NRG4: variants seen among roughly 807,000 people sequenced by gnomAD.
NRG4 encodes the protein pro-neuregulin-4, membrane-bound isoform.
Under a neutral mutation model 15.0 loss-of-function variants are expected in NRG4, and 10 were observed. That is an observed-to-expected ratio of 0.67 (90% CI 0.41 to 1.13). NRG4 has a LOEUF of 1.13. Ranked by LOEUF, NRG4 falls within the 50% of genes most tolerant of loss-of-function variation. The pLI is 0.00. For synonymous variants in NRG4, 41 were observed against 50.1 expected, an observed-to-expected ratio of 0.82 and a Z score of 0.77; for missense variants, 139 against 140.2, an observed-to-expected ratio of 0.99 and a Z score of 0.04.
At chr15:75,937,104 G>C (rs1012837948), downstream of NRG4, 2 of 151,676 alleles carry the variant, frequency 1.3e-5, no homozygotes, top group African/African-American at 4.8e-5. Context: ...CTCTATTCAA[G>C]GTCTTGTAAT....
intron 5 of NRG4, among the ~76,000 whole-genome samples, chr15:75,944,977 CT>C (rs949765370): frequency 6.6e-5 from 10 of 150,812 alleles, no homozygotes; most frequent in Non-Finnish European, 1.3e-4. Context: ...ACAAGTATGT[CT>C]TTATAAAGTC....
chr15:76,051,556 A>G (rs2036016699), intron 4 of NRG4, among the ~76,000 whole-genome samples: 1 of 148,722 alleles, frequency 6.7e-6, no homozygotes, highest in South Asian at 2.1e-4. Context: ...CATATAATTG[A>G]ACAATCTTCT....
chr15:76,030,085 C>T (rs968386056), intron 5 of NRG4, among the ~76,000 whole-genome samples: 9 of 151,990 alleles, frequency 5.9e-5, no homozygotes, highest in East Asian at 3.9e-4. Context: ...GGTGAAACCC[C>T]GCTTCTACTA....
At chr15:76,018,465 T>C (rs1285349995) in intron 5 of NRG4, among the ~76,000 whole-genome samples, 2 of 152,352 alleles carry the variant, frequency 1.3e-5, no homozygotes, top group East Asian at 3.9e-4. Flanking sequence ...TTCGTGGATG[T>C]ATCTACCTTT....
chr15:75,993,494 G>A (rs893002233), intron 3 of NRG4, among the ~76,000 whole-genome samples: 1 of 150,816 alleles, frequency 6.6e-6, no homozygotes, highest in Non-Finnish European at 1.5e-5. Context: ...GAGGTCAGGA[G>A]TTCAAGACCA....
intron 3 of NRG4, among the ~76,000 whole-genome samples, chr15:76,004,603 A>G (rs913838420): frequency 2.6e-4 from 40 of 151,770 alleles, no homozygotes; most frequent in Non-Finnish European, 4.4e-4. Context: ...CCGTCTCAAA[A>G]AAAAAAAAAA....
At chr15:75,978,735 A>T (rs549613401) in intron 3 of NRG4, among the ~76,000 whole-genome samples, 1 of 152,158 alleles carries the variant, frequency 6.6e-6, no homozygotes, top group Non-Finnish European at 1.5e-5. Context: ...AGTTGTGTTA[A>T]CTGGGGTGAG....
chr15:75,981,751 G>A (rs1433275689), intron 3 of NRG4, among the ~76,000 whole-genome samples: 3 of 152,042 alleles, frequency 2.0e-5, no homozygotes, highest in African/African-American at 7.2e-5. Flanking sequence ...TTGTTTTTAT[G>A]CAAAATAGAT....
chr15:76,005,681 A>C, intron 3 of NRG4: 1 of 214,806 alleles, frequency 4.7e-6, no homozygotes, highest in South Asian at 5.8e-5. Context: ...CTGTCTCAGA[A>C]AAAAAAAAAA....
In NRG4 at chr15:76,011,227, G is replaced by A; in HGVS notation, c.4C>T (p.Pro2Ser). M[P>S]TDHEEPCGPS... ...TAAATATATAAGAAATTACCTGTTG[G>A]CATCTTAATTTGTAAATAGTTTCAT... Residue 2 changes from proline to serine, a missense_variant, in exon 2 of 6, where the codon CCA becomes TCA. Pro to Ser is a moderately conservative substitution (Grantham distance 74, BLOSUM62 -1). Coordinates refer to ENST00000394907, the MANE Select transcript of NRG4 (RefSeq NM_138573.4). 6.9e-7 allele frequency: 1 copy of A among 1,449,222 alleles called. No individual in the cohort carries two copies. The highest frequency in any genetic ancestry group is 9.2e-7 in the Non-Finnish European group (1 of 1,091,558). The allele number at this position is 1,449,222 out of a possible 1,614,324, so 89.8% of individuals were successfully genotyped here. A position where few individuals can be genotyped will look rare whatever the true frequency, so the allele number is the denominator to read the frequency against.
At chr15:76,046,351 T>A (rs182822206) in intron 4 of NRG4, among the ~76,000 whole-genome samples, 6 of 150,906 alleles carry the variant, frequency 4.0e-5, no homozygotes, top group South Asian at 2.1e-4. Context: ...GGAAAAAAAA[T>A]TCTTAAATTT....
intron 3 of NRG4, among the ~76,000 whole-genome samples, chr15:75,962,912 A>C (rs2032603332): frequency 6.6e-6 from 1 of 152,240 alleles, no homozygotes; most frequent in Non-Finnish European, 1.5e-5. Context: ...TGTCAAGAAT[A>C]AAAAGGTTGA....
chr15:76,019,175 C>T (rs2035075443), intron 5 of NRG4, among the ~76,000 whole-genome samples: 1 of 152,092 alleles, frequency 6.6e-6, no homozygotes, highest in Non-Finnish European at 1.5e-5. Context: ...GGCAAGCATC[C>T]CTCCCTCCAC....
downstream of NRG4, chr15:75,939,745 A>G (rs887032059): frequency 6.6e-6 from 1 of 152,194 alleles, no homozygotes; most frequent in Non-Finnish European, 1.5e-5. Context: ...AAAAATCAAT[A>G]TAATATACTA....
At chr15:75,950,636 A>C (rs895720700) in intron 5 of NRG4, 1 of 227,630 alleles carries the variant, frequency 4.4e-6, no homozygotes, top group Non-Finnish European at 9.9e-6. Flanking sequence ...TGTTTCAAGT[A>C]GCTGCTTCCC....
chr15:75,963,461 C>G (rs1000204239), intron 3 of NRG4, among the ~76,000 whole-genome samples: 1 of 151,894 alleles, frequency 6.6e-6, no homozygotes, highest in Non-Finnish European at 1.5e-5. Flanking sequence ...CTGGGCAATA[C>G]AGTGAGACCT....
intron 3 of NRG4, among the ~76,000 whole-genome samples, chr15:75,984,976 C>T (rs1366673949): frequency 6.6e-6 from 1 of 152,116 alleles, no homozygotes; most frequent in Non-Finnish European, 1.5e-5. Context: ...TCCCATGTAG[C>T]TGTGACTACA....
chr15:75,993,725 C>G (rs1329980593), intron 3 of NRG4, among the ~76,000 whole-genome samples: 2 of 151,890 alleles, frequency 1.3e-5, no homozygotes, highest in African/African-American at 2.4e-5. Flanking sequence ...GTTTTTCATA[C>G]AGATATTTTC....
At chr15:76,038,084 T>C (rs942909800) in intron 4 of NRG4, among the ~76,000 whole-genome samples, 1 of 152,112 alleles carries the variant, frequency 6.6e-6, no homozygotes, top group African/African-American at 2.4e-5. Context: ...AAAGAGCCCT[T>C]GAGACCCTGA....
Sources: allele counts gnomAD v4.1 joint callset (sites outside exome capture counted in the v4.1 genomes callset), GRCh38; gene constraint gnomAD v4.1.1; transcripts MANE v1.5; gene names NCBI Gene and HGNC (gene_info 2026-07-23, HGNC 2026-07-21).